The following FTCDNL1 variants were observed in gnomAD, a reference collection of about 807,000 sequenced individuals.
The protein encoded by FTCDNL1 is formiminotransferase cyclodeaminase N-terminal like, also known as formiminotransferase N-terminal subdomain-containing protein.
In FTCDNL1, 11 loss-of-function variants were observed where a neutral mutation model predicts 5.9. The ratio of observed to expected loss-of-function variants is 1.87; its 90% CI spans 1.18 to 3.10. The LOEUF is 3.10. Among genes scored for constraint, FTCDNL1 ranks in the 30% most tolerant of loss-of-function variants. The pLI is 0.00. For synonymous variants in FTCDNL1, 58 were observed against 24.8 expected, an observed-to-expected ratio of 2.34 and a Z score of -3.99; for missense variants, 115 against 65.5, an observed-to-expected ratio of 1.76 and a Z score of -2.61.
chr2:199,779,800 C>T (rs1361867671), intron 3 of FTCDNL1, among the ~76,000 whole-genome samples: 1 of 152,114 alleles, frequency 6.6e-6, no homozygotes, highest in Non-Finnish European at 1.5e-5. Context: ...GAGATGGTGA[C>T]GTCAGTCCTA....
chr2:199,765,288 C>CA (rs1463275532), intron 3 of FTCDNL1, among the ~76,000 whole-genome samples: 1 of 151,816 alleles, frequency 6.6e-6, no homozygotes, highest in Non-Finnish European at 1.5e-5. Flanking sequence ...TCAATTGTAA[C>CA]AAACGTACCA....
the FTCDNL1 span, among the ~76,000 whole-genome samples, chr2:199,700,063 G>C: frequency 3.9e-4 from 59 of 152,216 alleles, no homozygotes; most frequent in African/African-American, 1.3e-3. Context: ...AGTCAGGCAA[G>C]AGAAACAAAT....
chr2:199,701,855 C>T, the FTCDNL1 span, among the ~76,000 whole-genome samples: 20 of 151,960 alleles, frequency 1.3e-4, no homozygotes, highest in East Asian at 2.7e-3. Flanking sequence ...ACCAACATGG[C>T]GAAACCCCGT....
At chr2:199,823,986 TA>T (rs1701860100) in intron 3 of FTCDNL1, among the ~76,000 whole-genome samples, 1 of 152,190 alleles carries the variant, frequency 6.6e-6, no homozygotes, top group African/African-American at 2.4e-5. Context: ...TCCTTTTCTT[TA>T]AATTTTTTGT....
At chr2:199,782,413 C>T (rs1699412333) in intron 3 of FTCDNL1, among the ~76,000 whole-genome samples, 1 of 152,184 alleles carries the variant, frequency 6.6e-6, no homozygotes, top group Admixed American at 6.5e-5. Context: ...AAATATAGAA[C>T]ATTTCCATCA....
chr2:199,841,372 C>CGAGA (rs1197621692), intron 3 of FTCDNL1, among the ~76,000 whole-genome samples: 1 of 151,896 alleles, frequency 6.6e-6, no homozygotes, highest in African/African-American at 2.4e-5. Context: ...GGTGACACAG[C>CGAGA]GAGACTCTGT....
chr2:199,711,763 TCAC>T, the FTCDNL1 span, among the ~76,000 whole-genome samples: 1 of 152,214 alleles, frequency 6.6e-6, no homozygotes, highest in African/African-American at 2.4e-5. Context: ...AATGGAGCTG[TCAC>T]CACACCTGGC....
chr2:199,741,798 G>C, the FTCDNL1 span, among the ~76,000 whole-genome samples: 1 of 151,836 alleles, frequency 6.6e-6, no homozygotes, highest in Admixed American at 6.6e-5. Flanking sequence ...TTAATGCTCT[G>C]AAAATCCTAC....
At chr2:199,765,107 G>A (rs1018644956) in intron 3 of FTCDNL1, among the ~76,000 whole-genome samples, 1 of 152,172 alleles carries the variant, frequency 6.6e-6, no homozygotes, top group Admixed American at 6.5e-5. Context: ...GAGGAGGAAT[G>A]AATAGGCAGT....
the FTCDNL1 span, among the ~76,000 whole-genome samples, chr2:199,727,904 A>G: frequency 6.6e-6 from 1 of 152,232 alleles, no homozygotes; most frequent in East Asian, 1.9e-4. Context: ...CTTCACCCAC[A>G]TACCCGTGTG....
At chr2:199,843,066 GT>G (rs1435365370) in intron 3 of FTCDNL1, among the ~76,000 whole-genome samples, 1 of 152,174 alleles carries the variant, frequency 6.6e-6, no homozygotes, top group Non-Finnish European at 1.5e-5. Flanking sequence ...GTATAGGACT[GT>G]TTTTAATCAG....
the FTCDNL1 span, among the ~76,000 whole-genome samples, chr2:199,666,278 G>GA: frequency 6.6e-6 from 1 of 152,026 alleles, no homozygotes; most frequent in Non-Finnish European, 1.5e-5. Context: ...GGCAAATAAA[G>GA]AAAAAACGCA....
At chr2:199,781,068 T>G (rs781394130) in intron 3 of FTCDNL1, among the ~76,000 whole-genome samples, 49 of 152,220 alleles carry the variant, frequency 3.2e-4, no homozygotes, top group Non-Finnish European at 6.8e-4. Flanking sequence ...GATGACTTTC[T>G]CCTTCCACAT....
At chr2:199,773,126 C>T (rs1008425780) in intron 3 of FTCDNL1, among the ~76,000 whole-genome samples, 1 of 152,054 alleles carries the variant, frequency 6.6e-6, no homozygotes, top group Non-Finnish European at 1.5e-5. Context: ...CAAAACATTG[C>T]CTTTTATTTA....
At chr2:199,783,153 C>T (rs1205370363) in intron 3 of FTCDNL1, among the ~76,000 whole-genome samples, 1 of 152,156 alleles carries the variant, frequency 6.6e-6, no homozygotes, top group Admixed American at 6.6e-5. Context: ...TACTGTCAGC[C>T]CTAGACAATA....
At position 199,809,705 on chromosome 2, in the gene FTCDNL1, A is replaced by G. The variant is rs1490218606; in HGVS notation, c.*3000T>C. ...CCTTTAGACTTTCCATCTGAATTCC[A>G]AAAGAATAAGTACTTCCTTGAAGTC... is the stretch of plus-strand genomic sequence containing the variant. On this transcript the variant is annotated 3_prime_UTR_variant, in exon 5 of 5. Coordinates refer to ENST00000420128, the MANE Select transcript of FTCDNL1 (RefSeq NM_001363886.2). Among the ~76,000 whole-genome samples, 2 of 152,196 alleles carry G rather than the reference A, an allele frequency of 1.3e-5. No homozygotes were observed.
the FTCDNL1 span, among the ~76,000 whole-genome samples, chr2:199,749,338 T>C: frequency 9.2e-5 from 14 of 152,070 alleles, no homozygotes; most frequent in Non-Finnish European, 1.8e-4. Context: ...GGCAGTGAGG[T>C]CTCTATGAAC....
At chr2:199,826,646 T>G (rs1274631740) in intron 3 of FTCDNL1, among the ~76,000 whole-genome samples, 1 of 151,992 alleles carries the variant, frequency 6.6e-6, no homozygotes, top group African/African-American at 2.4e-5. Flanking sequence ...AATACAAAAA[T>G]TAGCTAGGTG....
At chr2:199,809,087 T>C (rs565999686), downstream of FTCDNL1, among the ~76,000 whole-genome samples, 1 of 152,280 alleles carries the variant, frequency 6.6e-6, no homozygotes, top group South Asian at 2.1e-4. Context: ...AAACCATACC[T>C]AGTCCATCAT....
Sources: allele counts gnomAD v4.1 joint callset (sites outside exome capture counted in the v4.1 genomes callset), GRCh38; gene constraint gnomAD v4.1.1; transcripts MANE v1.5; gene names NCBI Gene and HGNC (gene_info 2026-07-23, HGNC 2026-07-21).